BABAM2: variants seen among roughly 807,000 people sequenced by gnomAD.
The protein encoded by BABAM2 is BRISC and BRCA1 A complex member 2, also known as BRISC and BRCA1-A complex member 2.
A neutral mutation model predicts 54.7 loss-of-function variants in BABAM2; 31 were observed. The observed-to-expected ratio is 0.57, with a 90% confidence interval of 0.43 to 0.77. BABAM2 has a LOEUF of 0.77. BABAM2 is among the 30% of genes least tolerant of loss of function. BABAM2 has a pLI of 0.00. For synonymous variants in BABAM2, 167 were observed against 162.9 expected, an observed-to-expected ratio of 1.03 and a Z score of -0.19; for missense variants, 364 against 455.8, an observed-to-expected ratio of 0.80 and a Z score of 1.83.
intron 11 of BABAM2, among the ~76,000 whole-genome samples, chr2:28,312,547 C>G (rs1689172586): frequency 6.6e-6 from 1 of 152,152 alleles, no homozygotes; most frequent in African/African-American, 2.4e-5. Context: ...GAGTACAACT[C>G]AGAATTACAA....
intron 6 of BABAM2, among the ~76,000 whole-genome samples, chr2:28,114,409 A>C (rs377713305): frequency 6.6e-6 from 1 of 152,206 alleles, no homozygotes; most frequent in Non-Finnish European, 1.5e-5. Context: ...TTCTCGGTAT[A>C]TAGAAACAAC....
chr2:28,149,870 T>G (rs1032865325), intron 7 of BABAM2, among the ~76,000 whole-genome samples: 2 of 152,224 alleles, frequency 1.3e-5, no homozygotes, highest in Non-Finnish European at 2.9e-5. Context: ...AGTGTATTTA[T>G]TAGTGAATTG....
intron 6 of BABAM2, among the ~76,000 whole-genome samples, chr2:28,121,543 T>C (rs1375926560): frequency 2.6e-5 from 4 of 152,188 alleles, no homozygotes; most frequent in Non-Finnish European, 4.4e-5. Flanking sequence ...TATATGCTAA[T>C]ATATAACATA....
intron 6 of BABAM2, among the ~76,000 whole-genome samples, chr2:28,089,929 T>C (rs1666016676): frequency 6.6e-6 from 1 of 152,026 alleles, no homozygotes; most frequent in East Asian, 1.9e-4. Context: ...GTTAGCATTA[T>C]TTTATAGAAA....
chr2:27,974,328 C>T (rs1671434769), intron 3 of BABAM2, among the ~76,000 whole-genome samples: 1 of 151,898 alleles, frequency 6.6e-6, no homozygotes, highest in African/African-American at 2.4e-5. Context: ...TTGAATTTAG[C>T]AACATATATA....
intron 7 of BABAM2, among the ~76,000 whole-genome samples, chr2:28,230,028 T>C (rs1681227683): frequency 6.6e-6 from 1 of 152,250 alleles, no homozygotes; most frequent in South Asian, 2.1e-4. Flanking sequence ...ACATTTCCAT[T>C]TTTATATGTC....
chr2:28,264,943 TAAC>T (rs1305007422), intron 10 of BABAM2, among the ~76,000 whole-genome samples: 1 of 152,242 alleles, frequency 6.6e-6, no homozygotes, highest in Non-Finnish European at 1.5e-5. Context: ...TTGATTGTTT[TAAC>T]AACTAGAAAG....
At chr2:28,326,477 G>GC (rs1690468524) in intron 11 of BABAM2, among the ~76,000 whole-genome samples, 1 of 152,066 alleles carries the variant, frequency 6.6e-6, no homozygotes, top group Non-Finnish European at 1.5e-5. Flanking sequence ...ACATTCCTTA[G>GC]CCCCCCACAC....
intron 2 of BABAM2, among the ~76,000 whole-genome samples, chr2:27,927,838 G>GTTTTTTT (rs376186465): frequency 5.2e-5 from 7 of 135,768 alleles, no homozygotes; most frequent in Non-Finnish European, 4.6e-5. Flanking sequence ...TAAAGTTTCT[G>GTTTTTTT]TTTTTTTTTT....
intron 7 of BABAM2, among the ~76,000 whole-genome samples, chr2:28,220,590 G>T (rs1180211679): frequency 2.7e-5 from 4 of 148,484 alleles, no homozygotes; most frequent in African/African-American, 7.5e-5. Context: ...AAAGTAATAT[G>T]TGTCAGTTAT....
chr2:28,003,562 CT>C (rs1230187999), intron 4 of BABAM2, among the ~76,000 whole-genome samples: 1 of 152,124 alleles, frequency 6.6e-6, no homozygotes, highest in African/African-American at 2.4e-5. Context: ...AGCACTCCAG[CT>C]TGAGCGACAG....
chr2:28,172,110 TGTGTG>T (rs1674388114), intron 7 of BABAM2, among the ~76,000 whole-genome samples: 1 of 139,828 alleles, frequency 7.2e-6, no homozygotes, highest in Non-Finnish European at 1.6e-5. Flanking sequence ...TGTGTGTGTG[TGTGTG>T]GTGTGTGTGT....
intron 10 of BABAM2, among the ~76,000 whole-genome samples, chr2:28,255,679 T>C (rs1683910302): frequency 6.6e-6 from 1 of 152,140 alleles, no homozygotes; most frequent in East Asian, 1.9e-4. Context: ...TGTTTTTATA[T>C]TTTTGAGACA....
intron 6 of BABAM2, among the ~76,000 whole-genome samples, chr2:28,088,694 C>G: frequency 6.6e-6 from 1 of 152,138 alleles, no homozygotes; most frequent in East Asian, 1.9e-4. Context: ...ACAAAGGCAT[C>G]TATAGTTTTT....
intron 4 of BABAM2, among the ~76,000 whole-genome samples, chr2:28,014,624 A>T (rs978243434): frequency 7.1e-6 from 1 of 140,600 alleles, no homozygotes; most frequent in African/African-American, 2.6e-5. Context: ...TTTTTTTGCC[A>T]CTCAACTTGT....
intron 3 of BABAM2, 25 bp downstream of exon 3, chr2:27,929,933 T>A (rs1201819960): frequency 1.3e-6 from 2 of 1,589,468 alleles, no homozygotes; most frequent in East Asian, 2.2e-5. Flanking sequence ...ACTATTTTAC[T>A]CAAAATGTAG....
chr2:27,899,222 T>C (rs1400353104), intron 2 of BABAM2, among the ~76,000 whole-genome samples: 1 of 152,116 alleles, frequency 6.6e-6, no homozygotes, highest in Non-Finnish European at 1.5e-5. Context: ...TTTTCAGAGG[T>C]AATGAAGACC....
At chr2:28,012,356 A>G (rs1674458786) in intron 4 of BABAM2, among the ~76,000 whole-genome samples, 1 of 152,234 alleles carries the variant, frequency 6.6e-6, no homozygotes, top group Non-Finnish European at 1.5e-5. Flanking sequence ...TAGCTAAGGT[A>G]AATGGTGACA....
chr2:28,327,646 C>G (rs1176354183), intron 11 of BABAM2, among the ~76,000 whole-genome samples: 4 of 152,134 alleles, frequency 2.6e-5, no homozygotes, highest in African/African-American at 9.7e-5. Flanking sequence ...GTCTAGACAC[C>G]AATCTAAATA....
Sources: gnomAD v4.1 joint callset for allele counts (sites outside exome capture counted in the v4.1 genomes callset) on GRCh38, gnomAD v4.1.1 for gene constraint, MANE v1.5 for transcripts, NCBI Gene and HGNC (gene_info 2026-07-23, HGNC 2026-07-21) for gene names.